Variants in SEMA3A observed in about 807,000 individuals in gnomAD.
SEMA3A encodes the protein semaphorin 3A, also known as semaphorin-3A.
Under a neutral mutation model 97.9 loss-of-function variants are expected in SEMA3A, and 29 were observed. The observed-to-expected ratio is 0.30, with a 90% CI of 0.22 to 0.40. The LOEUF is 0.40. Among genes scored for constraint, SEMA3A ranks in the 10% least tolerant of loss-of-function variants. The pLI, the probability that SEMA3A is intolerant of heterozygous loss-of-function variation, is 1.00. For missense variants in SEMA3A, 763 were observed against 951.3 expected, an observed-to-expected ratio of 0.80 and a Z score of 2.60; for synonymous variants, 321 against 323.7, an observed-to-expected ratio of 0.99 and a Z score of 0.09.
chr7:84,045,990 G>GT (rs1227714461), intron 6 of SEMA3A, among the ~76,000 whole-genome samples: 2 of 150,918 alleles, frequency 1.3e-5, no homozygotes, highest in Non-Finnish European at 3.0e-5. Flanking sequence ...AAACTACACT[G>GT]TAAGATTTGT....
intron 12 of SEMA3A, among the ~76,000 whole-genome samples, chr7:83,999,627 G>T (rs888039939): frequency 2.0e-5 from 3 of 152,026 alleles, no homozygotes; most frequent in African/African-American, 7.2e-5. Context: ...TTAGCATTGT[G>T]CCAGGACTAT....
At chr7:84,187,121 A>T (rs1290510551) in intron 1 of SEMA3A, among the ~76,000 whole-genome samples, 1 of 152,192 alleles carries the variant, frequency 6.6e-6, no homozygotes, top group African/African-American at 2.4e-5. Context: ...AAAGGCTCTG[A>T]ACTGCTAAAT....
chr7:83,972,246 CAAAGTTA>C (rs1788949806), intron 15 of SEMA3A, among the ~76,000 whole-genome samples: 1 of 151,746 alleles, frequency 6.6e-6, no homozygotes, highest in Non-Finnish European at 1.5e-5. Context: ...TGTGTGGCTT[CAAAGTTA>C]ACTTTGAAGC....
intron 1 of SEMA3A, among the ~76,000 whole-genome samples, chr7:84,154,690 AC>A (rs1472028057): frequency 3.1e-4 from 33 of 107,564 alleles, no homozygotes; most frequent in Middle Eastern, 4.2e-3. Context: ...AAAAAAAAAA[AC>A]AAAAAAAAAA....
intron 4 of SEMA3A, among the ~76,000 whole-genome samples, chr7:84,097,280 T>C (rs777976825): frequency 8.0e-4 from 121 of 152,168 alleles, no homozygotes; most frequent in Non-Finnish European, 2.2e-4. Context: ...TTTAAGCCTC[T>C]GTATAAAGTT....
intron 1 of SEMA3A, among the ~76,000 whole-genome samples, chr7:84,193,291 G>A (rs1230565860): frequency 6.6e-6 from 1 of 151,896 alleles, no homozygotes; most frequent in Non-Finnish European, 1.5e-5. Flanking sequence ...TCACACTAGG[G>A]CATTCAGAAA....
chr7:84,023,083 C>T (rs1246613912), intron 6 of SEMA3A, among the ~76,000 whole-genome samples: 1 of 152,138 alleles, frequency 6.6e-6, no homozygotes, highest in Non-Finnish European at 1.5e-5. Context: ...GTTTGGGCAC[C>T]ACCTGCCACT....
chr7:84,335,473 A>G (rs1802013944), intron 2 of SEMA3A, among the ~76,000 whole-genome samples: 1 of 152,066 alleles, frequency 6.6e-6, no homozygotes, highest in South Asian at 2.1e-4. Context: ...GTGAGAGAGA[A>G]AGTGGGAGCA....
intron 2 of SEMA3A, among the ~76,000 whole-genome samples, chr7:84,365,609 T>C (rs1310803708): frequency 1.3e-5 from 2 of 151,596 alleles, no homozygotes; most frequent in Non-Finnish European, 3.0e-5. Flanking sequence ...GATCTGCTTG[T>C]TTAAACTGGT....
At chr7:84,033,444 C>A (rs919603077) in intron 6 of SEMA3A, among the ~76,000 whole-genome samples, 2 of 152,216 alleles carry the variant, frequency 1.3e-5, no homozygotes, top group African/African-American at 4.8e-5. Context: ...CATAGCTGTT[C>A]AAAGAACACA....
At chr7:84,473,127 G>T (rs1171788068) in intron 1 of SEMA3A, among the ~76,000 whole-genome samples, 1 of 142,408 alleles carries the variant, frequency 7.0e-6, no homozygotes, top group Non-Finnish European at 1.5e-5. Context: ...TGGGCTTAAT[G>T]GGAAAAAAGA....
intron 1 of SEMA3A, among the ~76,000 whole-genome samples, chr7:84,480,876 G>T (rs1482608841): frequency 6.6e-6 from 1 of 152,004 alleles, no homozygotes; most frequent in Non-Finnish European, 1.5e-5. Flanking sequence ...GTGGGAAAGA[G>T]GGTAGCATAC....
intron 1 of SEMA3A, among the ~76,000 whole-genome samples, chr7:84,417,552 T>C (rs1173904623): frequency 6.6e-6 from 1 of 152,138 alleles, no homozygotes; most frequent in Non-Finnish European, 1.5e-5. Context: ...GTTTAAAGTT[T>C]TAAATTTTTT....
chr7:84,255,726 A>G (rs1184476468), intron 3 of SEMA3A, among the ~76,000 whole-genome samples: 1 of 152,082 alleles, frequency 6.6e-6, no homozygotes, highest in Non-Finnish European at 1.5e-5. Context: ...ATTGGTAATG[A>G]GAAAAATGGC....
At chr7:84,438,751 A>G (rs1238692968) in intron 1 of SEMA3A, among the ~76,000 whole-genome samples, 2 of 152,106 alleles carry the variant, frequency 1.3e-5, no homozygotes, top group Non-Finnish European at 2.9e-5. Flanking sequence ...AGAGTTTGAG[A>G]GATCAAATAA....
At chr7:83,989,283 TTAA>T (rs752609966) in intron 12 of SEMA3A, among the ~76,000 whole-genome samples, 5 of 152,154 alleles carry the variant, frequency 3.3e-5, no homozygotes, top group African/African-American at 4.8e-5. Flanking sequence ...TTCATGTTCC[TTAA>T]TAATACAAAA....
chr7:84,055,659 C>T (rs750853546), intron 5 of SEMA3A, among the ~76,000 whole-genome samples: 8 of 152,202 alleles, frequency 5.3e-5, no homozygotes, highest in South Asian at 4.1e-4. Flanking sequence ...AGAAATCACC[C>T]GTCTTCTGCG....
rs116153538 is a variant in SEMA3A, at chr7:84,395,121, A to G, written c.-245-23221T>C. Among the ~76,000 whole-genome samples the G allele has an allele frequency of 2.9e-3, 447 of 152,226 alleles. 1 individual carries two copies. The highest frequency in any genetic ancestry group is 0.01 in the African/African-American group (429 of 41,554). On this transcript the variant is annotated intron_variant, in intron 1 of 3. Coordinates refer to the SEMA3A transcript ENST00000424555. ...TAAACCCACAGCAGAAGGAATGGTA[A>G]ATAAAATTTCTTATGTCACTAGTAT...
At chr7:84,291,477 C>T (rs1385614620) in intron 3 of SEMA3A, among the ~76,000 whole-genome samples, 3 of 151,998 alleles carry the variant, frequency 2.0e-5, no homozygotes, top group Admixed American at 2.0e-4. Flanking sequence ...TTTCCTTCTG[C>T]ATTGCCAACT....
Sources: allele counts gnomAD v4.1 joint callset (sites outside exome capture counted in the v4.1 genomes callset), GRCh38; gene constraint gnomAD v4.1.1; transcripts MANE v1.5; gene names NCBI Gene and HGNC (gene_info 2026-07-23, HGNC 2026-07-21).